The following CHRM2 variants were observed in gnomAD, a reference collection of about 807,000 sequenced individuals.
CHRM2 encodes cholinergic receptor muscarinic 2, also known as muscarinic acetylcholine receptor M2.
In CHRM2, 8 loss-of-function variants were observed where a neutral mutation model predicts 25.0. That is an observed-to-expected ratio of 0.32 (90% CI 0.19 to 0.58). The LOEUF is 0.58. Ranked by LOEUF, CHRM2 falls within the 20% of genes least tolerant of loss-of-function variation. CHRM2 has a pLI of 0.88. For synonymous variants in CHRM2, 202 were observed against 205.7 expected (o/e 0.98, Z 0.15); for missense variants, 440 against 567.1 (o/e 0.78, Z 2.28).
intron 2 of CHRM2, among the ~76,000 whole-genome samples, chr7:136,947,032 G>A (rs1291695397): frequency 2.0e-5 from 3 of 152,068 alleles, no homozygotes; most frequent in Non-Finnish European, 2.9e-5. Context: ...TGAAATATTC[G>A]TCCAGATAAA....
At chr7:136,888,128 G>C (rs1796541392) in intron 2 of CHRM2, among the ~76,000 whole-genome samples, 1 of 152,150 alleles carries the variant, frequency 6.6e-6, no homozygotes, top group African/African-American at 2.4e-5. Context: ...CTTTCCCCTG[G>C]CTCTGCCAGA....
intron 2 of CHRM2, chr7:136,903,010 T>C (rs1384567009): frequency 2.2e-6 from 1 of 464,124 alleles, no homozygotes; most frequent in Non-Finnish European, 4.2e-6. Flanking sequence ...AAAGTATACA[T>C]TATGGCCAGC....
chr7:136,919,420 A>C (rs1798300711), intron 2 of CHRM2, among the ~76,000 whole-genome samples: 1 of 152,174 alleles, frequency 6.6e-6, no homozygotes, highest in African/African-American at 2.4e-5. Context: ...AATATTAATT[A>C]GTATTCAAAT....
chr7:136,996,940 A>C (rs907994658), intron 3 of CHRM2, among the ~76,000 whole-genome samples: 13 of 152,158 alleles, frequency 8.5e-5, no homozygotes, highest in African/African-American at 3.1e-4. Context: ...TAAGTATAAA[A>C]ATCCAGATTT....
At chr7:137,013,663 A>C (rs1000905770) in intron 3 of CHRM2, among the ~76,000 whole-genome samples, 13 of 152,024 alleles carry the variant, frequency 8.6e-5, no homozygotes, top group African/African-American at 3.1e-4. Flanking sequence ...CTCAATTGTC[A>C]TCAGACTTCA....
At chr7:136,983,707 G>A (rs6949991) in intron 2 of CHRM2, among the ~76,000 whole-genome samples, 3,863 of 152,236 alleles carry the variant, frequency 0.025, 174 homozygotes, top group African/African-American at 0.088. Context: ...CTGCATGTCC[G>A]CTGGAGTTTG....
intron 2 of CHRM2, among the ~76,000 whole-genome samples, chr7:136,939,411 A>C (rs1799631470): frequency 6.6e-6 from 1 of 152,238 alleles, no homozygotes; most frequent in African/African-American, 2.4e-5. Flanking sequence ...TTGGGAAATT[A>C]ACCTCTTAAG....
At chr7:136,951,664 A>G (rs1800419759) in intron 2 of CHRM2, among the ~76,000 whole-genome samples, 1 of 152,206 alleles carries the variant, frequency 6.6e-6, no homozygotes, top group African/African-American at 2.4e-5. Context: ...GATCTGGGAT[A>G]GAAGAAACTT....
At chr7:136,975,290 A>G (rs549637049) in intron 2 of CHRM2, among the ~76,000 whole-genome samples, 1 of 152,246 alleles carries the variant, frequency 6.6e-6, no homozygotes. Flanking sequence ...ACACACAGGG[A>G]AGACATTTTC....
At chr7:136,872,088 C>A (rs1033781953) in intron 2 of CHRM2, 9 of 152,148 alleles carry the variant, frequency 5.9e-5, no homozygotes, top group African/African-American at 1.7e-4. Context: ...AAATAAAGCT[C>A]TGTGAATGAG....
intron 2 of CHRM2, among the ~76,000 whole-genome samples, chr7:136,948,867 G>A (rs977822534): frequency 1.3e-5 from 2 of 152,122 alleles, no homozygotes; most frequent in Non-Finnish European, 2.9e-5. Flanking sequence ...ATCTGAGAGG[G>A]AAGCATCCTT....
At chr7:136,989,514 C>T (rs1803076740) in intron 2 of CHRM2, among the ~76,000 whole-genome samples, 1 of 152,200 alleles carries the variant, frequency 6.6e-6, no homozygotes, top group East Asian at 1.9e-4. Context: ...ATGATACCCA[C>T]TGTAGACTCA....
In CHRM2 at chr7:136,890,092, C is replaced by T. The variant is rs188327962; in HGVS notation, c.-125+20674C>T. On this transcript the variant is annotated intron_variant, in intron 2 of 3. Transcript: ENST00000680005. ...TTTTTTCTAACCTGGGATCCTATGT[C>T]AAGGTTATTGCCAAATTATCAAGAC... is the stretch of plus-strand genomic sequence containing the variant. Among the ~76,000 whole-genome samples the T allele has an allele frequency of 2.6e-5, 4 of 152,266 alleles. No individual in the cohort carries two copies. The East Asian group carries it at 7.7e-4, about 29-fold the overall frequency.
At chr7:137,001,687 C>T (rs1413935535) in intron 3 of CHRM2, among the ~76,000 whole-genome samples, 6 of 152,164 alleles carry the variant, frequency 3.9e-5, no homozygotes, top group African/African-American at 1.4e-4. Context: ...CACCAAAGGA[C>T]TAGCAATACA....
chr7:136,912,614 G>A (rs916047987), intron 2 of CHRM2, among the ~76,000 whole-genome samples: 4 of 151,922 alleles, frequency 2.6e-5, no homozygotes, highest in African/African-American at 9.6e-5. Flanking sequence ...CAGAGCCACC[G>A]TTTGAACCCA....
intron 2 of CHRM2, among the ~76,000 whole-genome samples, chr7:136,890,373 T>C (rs1414645152): frequency 6.6e-6 from 1 of 152,202 alleles, no homozygotes; most frequent in Non-Finnish European, 1.5e-5. Context: ...TGATCGTATA[T>C]TCTGAGGGAA....
chr7:137,001,171 C>G (rs1804011868), intron 3 of CHRM2, among the ~76,000 whole-genome samples: 1 of 152,052 alleles, frequency 6.6e-6, no homozygotes, highest in Non-Finnish European at 1.5e-5. Context: ...CCCTTCAATG[C>G]TTGTTTTTGG....
At chr7:137,000,963 CTTA>C (rs994412925) in intron 3 of CHRM2, among the ~76,000 whole-genome samples, 1 of 152,168 alleles carries the variant, frequency 6.6e-6, no homozygotes, top group Non-Finnish European at 1.5e-5. Context: ...GTGGTTCATA[CTTA>C]GAATAAAGAA....
chr7:136,935,214 AG>A (rs11284759), intron 2 of CHRM2, among the ~76,000 whole-genome samples: 97,242 of 151,556 alleles, frequency 0.64, 31,716 homozygotes, highest in African/African-American at 0.68. Context: ...ACTCCTGTTC[AG>A]GGGGGTAAAC....
Sources: gnomAD v4.1 joint callset for allele counts (sites outside exome capture counted in the v4.1 genomes callset) on GRCh38, gnomAD v4.1.1 for gene constraint, MANE v1.5 for transcripts, NCBI Gene and HGNC (gene_info 2026-07-23, HGNC 2026-07-21) for gene names.